Variants in PLEC observed in about 807,000 individuals in gnomAD.
PLEC encodes the protein hemidesmosomal protein 1.
In PLEC, 216 loss-of-function variants were observed where a neutral mutation model predicts 392.8. That is an observed-to-expected ratio of 0.55 (90% CI 0.49 to 0.62). PLEC has a LOEUF of 0.62. Among genes scored for constraint, PLEC ranks in the 20% least tolerant of loss-of-function variants. The pLI is 0.00. For missense variants in PLEC, 6,863 were observed against 6,563.4 expected (o/e 1.05, Z -1.58); for synonymous variants, 3,621 against 2,980.6 (o/e 1.21, Z -7.00).
Position 143,934,032 on chromosome 8 carries a change from T to G in PLEC, c.1229A>C (p.Glu410Ala). The G allele has an allele frequency of 6.2e-7, 1 of 1,611,380 alleles. No individual in the cohort carries two copies. Among genetic ancestry groups the G allele is most frequent in the Non-Finnish European group, 8.5e-7 (1 of 1,179,422 alleles). The change falls in exon 12 of 32, where the codon GAG becomes GCG. Residue 410 changes from glutamate (E) to alanine (A), a missense_variant. By Grantham distance (107) the Glu-to-Ala change is moderately radical (BLOSUM62 -1). Transcript: ENST00000345136. The stretch of plus-strand genomic sequence containing the variant: ...CAGGGCGTCGGCCTGGTTCAGCTGC[T>G]CCTCACACAGCCCCGCCTCCATCTG... ...KLQMEAGLCE[E>A]QLNQADALLQ...
chr8:143,929,208 G>A lies in PLEC; in HGVS notation c.3155C>T (p.Ala1052Val). 1 of 1,602,516 alleles carries A rather than the reference G, an allele frequency of 6.2e-7. No individual in the cohort carries two copies. The highest frequency in any genetic ancestry group is 1.1e-5 in the South Asian group (1 of 89,886). The change falls in exon 25 of 32, where the codon GCC becomes GTC. Residue 1052 changes from alanine to valine, a missense_variant. Transcript: ENST00000345136. ...RLSAEAEKVL[A>V]LPEPSPAAPT... ...GGCCGCAGGCGATGGCTCTGGTAGGGCCAAGACCTTCTCGGCCTCGGCAGA... is the reference window on the plus strand; with the variant it reads ...GGCCGCAGGCGATGGCTCTGGTAGGACCAAGACCTTCTCGGCCTCGGCAGA...
At chr8:143,952,188 A>T (rs1283795799), upstream of PLEC, among the ~76,000 whole-genome samples, 3 of 122,546 alleles carry the variant, frequency 2.4e-5, no homozygotes, top group Non-Finnish European at 5.1e-5. Context: ...CCAAACACAC[A>T]CACACACACA....
At chr8:143,961,872 C>A (rs1215281451) in intron 1 of PLEC, among the ~76,000 whole-genome samples, 2 of 152,030 alleles carry the variant, frequency 1.3e-5, no homozygotes, top group Non-Finnish European at 2.9e-5. Context: ...GCTCTTGTAG[C>A]CCAGGTTCAC....
upstream of PLEC, among the ~76,000 whole-genome samples, chr8:143,940,977 C>G (rs564746107): frequency 7.9e-4 from 120 of 152,326 alleles, no homozygotes; most frequent in African/African-American, 2.8e-3. Flanking sequence ...TCCAGAACCT[C>G]AGGAGTCACC....
At chr8:143,972,077 G>T (rs1448748080) in intron 1 of PLEC, among the ~76,000 whole-genome samples, 1 of 152,214 alleles carries the variant, frequency 6.6e-6, no homozygotes. Context: ...CCAGCAACCT[G>T]ACCAGATGAA....
At chr8:143,938,317 G>A in intron 2 of PLEC, 77 bp from the exon 3 acceptor site, 1 of 1,535,412 alleles carries the variant, frequency 6.5e-7, no homozygotes, top group South Asian at 1.2e-5. Context: ...TCTACAGAGT[G>A]GGTGCTGGTC....
intron 1 of PLEC, among the ~76,000 whole-genome samples, chr8:143,961,569 A>G (rs528684053): frequency 6.6e-6 from 1 of 152,332 alleles, no homozygotes; most frequent in South Asian, 2.1e-4. Flanking sequence ...ACAATGACCC[A>G]GCTACAACAC....
In PLEC at chr8:143,929,983, T is replaced by G. The variant is rs782395497; in HGVS notation, c.2692A>C (p.Ser898Arg). The G allele has an allele frequency of 6.2e-6, 10 of 1,611,900 alleles. No individual in the cohort carries two copies. In the South Asian group the frequency reaches 1.1e-4, roughly 18 times the overall value. ...VDMKSLLAWQ[S>R]LRRDVQLIRS... ...ATGAGCTGCACGTCGCGGCGAAGGC[T>G]CTGCCAGGCCAGAAGGCTCTTCATG... Residue 898 changes from serine to arginine, a missense_variant, in exon 22 of 32, where the codon AGC (serine) becomes CGC (arginine). By Grantham distance (110) the Ser-to-Arg change is moderately radical. Transcript: ENST00000345136.
In PLEC at chr8:143,924,930, CCT is replaced by C; in HGVS notation, c.4997_4998del (p.Lys1666ArgfsTer25). ...CGCCGCGCCTCGCGCTCCGCCTCCTCCTTCTGCTTCTCAGCCTCGGCCTGCGC... is the reference window on the plus strand; with the variant it reads ...CGCCGCGCCTCGCGCTCCGCCTCCTCTCTGCTTCTCAGCCTCGGCCTGCGC... ...SLAQAEAEKQ[K>X]EEAEREARRR... On this transcript the variant is annotated frameshift_variant, in exon 31 of 32. Coordinates refer to ENST00000345136, the MANE Select transcript of PLEC (RefSeq NM_201384.3). LOFTEE classifies it high-confidence loss of function. 6.3e-7 allele frequency: 1 copy of C among 1,584,838 alleles called. No homozygotes were observed. The highest frequency in any genetic ancestry group is 8.5e-7 in the Non-Finnish European group (1 of 1,173,502).
chr8:143,923,943 C>T lies in PLEC; in HGVS notation c.5986G>A (p.Ala1996Thr). ...AEERVQKSLA[A>T]EEEAARQRKA... ...CGCTGCCGTGCGGCCTCCTCCTCGGCCGCCAGGCTCTTCTGCACGCGCTCC... is the reference window on the plus strand; with the variant it reads ...CGCTGCCGTGCGGCCTCCTCCTCGGTCGCCAGGCTCTTCTGCACGCGCTCC... The change falls in exon 31 of 32, where the codon GCC becomes ACC. Residue 1996 changes from alanine to threonine, a missense_variant. Physicochemically the swap from Ala to Thr is moderately conservative, Grantham distance 58. Transcript: ENST00000345136. The T allele has an allele frequency of 1.3e-6, 2 of 1,593,826 alleles. No individual in the cohort carries two copies. The highest frequency in any genetic ancestry group is 1.7e-6 in the Non-Finnish European group (2 of 1,177,692).
chr8:143,930,834 G>A (rs1038149470), intron 19 of PLEC, among the ~76,000 whole-genome samples: 9 of 152,248 alleles, frequency 5.9e-5, no homozygotes, highest in Middle Eastern at 6.8e-3. Flanking sequence ...CCTCCCCTGC[G>A]GGCTGCAGAA....
At chr8:143,970,329 T>C (rs1273509656) in intron 1 of PLEC, among the ~76,000 whole-genome samples, 2 of 148,856 alleles carry the variant, frequency 1.3e-5, no homozygotes, top group Non-Finnish European at 3.0e-5. Context: ...AGGGTGGAAG[T>C]ATACAAAGAA....
In PLEC at chr8:143,924,723, G is replaced by GCTC; in HGVS notation, c.5203_5205dup (p.Glu1735dup). On this transcript the variant is annotated inframe_insertion, in exon 31 of 32. Transcript: ENST00000345136. Reference sequence around the variant, plus strand: ...GCCGCCTCACGCTGCAGCCGGGCCAGCTCCTCCTCCAGCAGCTGCCGCTGC... The same window carrying GCTC: ...GCCGCCTCACGCTGCAGCCGGGCCAGCTCCTCCTCCTCCAGCAGCTGCCGCTGC... 6.5e-7 allele frequency: 1 copy of GCTC among 1,533,936 alleles called. No homozygotes were observed. The highest frequency in any genetic ancestry group is 8.7e-7 in the Non-Finnish European group (1 of 1,145,940).
At position 143,918,272 on chromosome 8, in the gene PLEC, G is replaced by A; in HGVS notation, c.11549C>T (p.Ser3850Phe). Residue 3850 changes from serine (S) to phenylalanine (F), a missense_variant, in exon 32 of 32, where the codon TCC becomes TTC. Transcript: ENST00000345136. ...CGTGTAGCTGAGGCGCTCGTCGGTG[G>A]ACGGGTCCACGTAGCTGCGCACCTC... ...PSEVRSYVDP[S>F]TDERLSYTQL... 6.3e-7 allele frequency: 1 copy of A among 1,592,882 alleles called. No homozygotes were observed. Among genetic ancestry groups the A allele is most frequent in the African/African-American group, 1.3e-5 (1 of 74,922 alleles).
rs1833314556 is a variant in PLEC, at chr8:143,969,669, G to T, written c.70+3734C>A. Reference sequence around the variant, plus strand: ...AGCGGCCCAGCAGCAGTCCAGCGTTGTGGGCAGGGGCCTGTCCTGGGGGTC... The same window carrying T: ...AGCGGCCCAGCAGCAGTCCAGCGTTTTGGGCAGGGGCCTGTCCTGGGGGTC... On this transcript the variant is annotated intron_variant, in intron 1 of 31. Coordinates refer to the PLEC transcript ENST00000356346. This position sits in a 1 kb window ranked among gnomAD's most constrained non-coding sequence, Gnocchi z 5.1. 6.6e-6 allele frequency among the ~76,000 whole-genome samples: 1 copy of T among 152,184 alleles called. No homozygotes were observed. The highest frequency in any genetic ancestry group is 2.4e-5 in the African/African-American group (1 of 41,444).
rs1554716975 is a variant in PLEC at position 143,932,458 on chromosome 8, ACCT to A, written c.1916_1918del (p.Glu639del). 2 of 1,612,194 alleles carry A rather than the reference ACCT, an allele frequency of 1.2e-6. No individual in the cohort carries two copies. The highest frequency in any genetic ancestry group is 1.7e-6 in the Non-Finnish European group (2 of 1,179,798). ...GTTGCGGTCGCTCCAGTCGAAGCCC[ACCT>A]CCTCCTCCTCCTTCTCATTCAGCCA... On this transcript the variant is annotated inframe_deletion, in exon 16 of 32. Coordinates refer to ENST00000345136, the MANE Select transcript of PLEC (RefSeq NM_201384.3).
chr8:143,962,211 A>T (rs931408759), intron 1 of PLEC, among the ~76,000 whole-genome samples: 1 of 152,202 alleles, frequency 6.6e-6, no homozygotes, highest in African/African-American at 2.4e-5. Flanking sequence ...TGGGCCCTAG[A>T]TCCAAAAGCA....
Position 143,920,871 on chromosome 8 carries a change from C to T in PLEC, c.8950G>A (p.Ala2984Thr), listed in dbSNP as rs782810988. ...FEGLRSLVPA[A>T]ELLESRVIDR... The stretch of plus-strand genomic sequence containing the variant: ...ATGACCCTGCTCTCCAGCAGCTCGG[C>T]GGCTGGCACCAGGCTGCGCAGGCCC... The change falls in exon 32 of 32, where the codon GCC (alanine) becomes ACC (threonine). Residue 2984 changes from alanine (A) to threonine (T), a missense_variant. Coordinates refer to ENST00000345136, the MANE Select transcript of PLEC (RefSeq NM_201384.3). 1.4e-5 allele frequency: 23 copies of T among 1,610,590 alleles called. No individual in the cohort carries two copies. Among genetic ancestry groups the T allele is most frequent in the East Asian group, 2.2e-5 (1 of 44,860 alleles).
intron 1 of PLEC, among the ~76,000 whole-genome samples, chr8:143,964,957 C>A (rs1436990042): frequency 1.3e-5 from 2 of 152,134 alleles, no homozygotes; most frequent in African/African-American, 2.4e-5. Flanking sequence ...CAGACCCACA[C>A]TTCCAGCCCT....
Sources: allele counts gnomAD v4.1 joint callset (sites outside exome capture counted in the v4.1 genomes callset), GRCh38; gene constraint gnomAD v4.1.1; non-coding constraint Gnocchi (gnomAD v3.1); transcripts MANE v1.5; gene names NCBI Gene and HGNC (gene_info 2026-07-23, HGNC 2026-07-21).